Variants in RBFOX1 observed in about 807,000 individuals in gnomAD.
The protein encoded by RBFOX1 is RNA binding protein fox-1 homolog 1.
RBFOX1 carries 8 observed loss-of-function variants against 57.7 expected under a neutral mutation model. The ratio of observed to expected loss-of-function variants is 0.14; its 90% CI spans 0.08 to 0.25. The LOEUF is 0.25. RBFOX1 is among the 10% of genes least tolerant of loss of function. The pLI is 1.00. For missense variants in RBFOX1, 611 were observed against 548.5 expected, an observed-to-expected ratio of 1.11 and a Z score of -1.14; for synonymous variants, 326 against 222.4, an observed-to-expected ratio of 1.47 and a Z score of -4.15.
At chr16:7,061,161 T>G (rs1568596927) in intron 4 of RBFOX1, among the ~76,000 whole-genome samples, 1 of 152,198 alleles carries the variant, frequency 6.6e-6, no homozygotes, top group South Asian at 2.1e-4. Context: ...CCAAAGTAAT[T>G]AGTTCTCTAC....
intron 2 of RBFOX1, among the ~76,000 whole-genome samples, chr16:6,603,954 T>G (rs1211596427): frequency 1.3e-5 from 2 of 152,124 alleles, no homozygotes; most frequent in African/African-American, 4.8e-5. Flanking sequence ...GTTTGTGGCT[T>G]CTTCCCTCTG....
intron 3 of RBFOX1, among the ~76,000 whole-genome samples, chr16:6,892,058 C>G (rs894012319): frequency 5.9e-5 from 9 of 152,138 alleles, no homozygotes; most frequent in Non-Finnish European, 8.8e-5. Context: ...TGTGAAGTTG[C>G]CAGGTGGATG....
intron 1 of RBFOX1, among the ~76,000 whole-genome samples, chr16:5,243,141 G>T (rs537784306): frequency 6.6e-6 from 1 of 152,158 alleles, no homozygotes. Context: ...AATGATCCCA[G>T]GGTGTGTCTG....
chr16:6,892,786 CTCTCTCTCTCT>C (rs1567747860), intron 3 of RBFOX1, among the ~76,000 whole-genome samples: 6 of 72,786 alleles, frequency 8.2e-5, no homozygotes, highest in African/African-American at 2.7e-4. Flanking sequence ...CTCTCTCTCT[CTCTCTCTCTCT>C]CTCTCTCTCT....
At chr16:6,955,058 C>G (rs533857090) in intron 3 of RBFOX1, among the ~76,000 whole-genome samples, 7 of 136,660 alleles carry the variant, frequency 5.1e-5, no homozygotes, top group Admixed American at 4.5e-4. Context: ...CTGGGAAACC[C>G]CATCTCTACA....
At chr16:6,292,584 A>G (rs758548369) in intron 1 of RBFOX1, among the ~76,000 whole-genome samples, 4 of 146,754 alleles carry the variant, frequency 2.7e-5, no homozygotes, top group Non-Finnish European at 4.5e-5. Flanking sequence ...AAGGAAAACA[A>G]CAAAATGGTT....
intron 1 of RBFOX1, among the ~76,000 whole-genome samples, chr16:5,360,189 A>G (rs2065505251): frequency 6.6e-6 from 1 of 152,210 alleles, no homozygotes; most frequent in African/African-American, 2.4e-5. Context: ...CCATCCGTGG[A>G]CACGCAGGCC....
At position 6,915,085 on chromosome 16, in the gene RBFOX1, C is replaced by T. The variant is rs982178034; in HGVS notation, c.-15-136972C>T. On this transcript the variant is annotated intron_variant, in intron 3 of 15. Coordinates refer to ENST00000550418, the MANE Select transcript of RBFOX1 (RefSeq NM_018723.4). ...ATTCCTCAGTTGACTAATGTGTGAA[C>T]TGCACACTGAGAACTGGCCTGCGGT... is the stretch of plus-strand genomic sequence containing the variant. 5.9e-5 allele frequency among the ~76,000 whole-genome samples: 9 copies of T among 152,192 alleles called. No homozygotes were observed. The South Asian group carries it at 6.2e-4, about 10-fold the overall frequency.
chr16:6,004,509 C>A lies in RBFOX1; in HGVS notation c.351+137174C>A, dbSNP rs2060658930. ...GATGCAATACTTGGCATATCAGAGA[C>A]TTTTAGTCTATGGCCACTCAATGAA... On this transcript the variant is annotated intron_variant, in intron 4 of 19. Transcript: ENST00000641259. 4.6e-5 allele frequency among the ~76,000 whole-genome samples: 7 copies of A among 152,158 alleles called. 1 individual carries two copies. In the South Asian group the frequency reaches 1.5e-3, roughly 32 times the overall value.
chr16:6,139,096 G>A (rs1435358665), intron 1 of RBFOX1, among the ~76,000 whole-genome samples: 26 of 152,062 alleles, frequency 1.7e-4, no homozygotes, highest in Admixed American at 1.6e-3. Context: ...GTTATTGATA[G>A]CAGTTCTATA....
chr16:6,579,823 C>T (rs756908755), intron 2 of RBFOX1, among the ~76,000 whole-genome samples: 3 of 152,108 alleles, frequency 2.0e-5, no homozygotes, highest in East Asian at 1.9e-4. Context: ...TGGTCTCAAG[C>T]TGTCCTCCCA....
chr16:6,858,407 C>G (rs1192461643), intron 3 of RBFOX1, among the ~76,000 whole-genome samples: 1 of 152,066 alleles, frequency 6.6e-6, no homozygotes, highest in Non-Finnish European at 1.5e-5. Context: ...GTTGTTCTTT[C>G]TTCTTTAATT....
intron 3 of RBFOX1, among the ~76,000 whole-genome samples, chr16:5,853,725 T>C (rs746489879): frequency 1.3e-5 from 2 of 152,136 alleles, no homozygotes; most frequent in Non-Finnish European, 2.9e-5. Flanking sequence ...GGCAGGGTGG[T>C]ACCCTAGCTA....
chr16:5,410,610 A>G (rs1347573477), intron 1 of RBFOX1, among the ~76,000 whole-genome samples: 1 of 152,208 alleles, frequency 6.6e-6, no homozygotes, highest in African/African-American at 2.4e-5. Context: ...CAAGGTCTTT[A>G]CAGTGACTTA....
intron 4 of RBFOX1, among the ~76,000 whole-genome samples, chr16:7,409,618 T>TTAA (rs1368125347): frequency 6.6e-6 from 1 of 152,236 alleles, no homozygotes; most frequent in East Asian, 1.9e-4. Flanking sequence ...TTGGATGGTC[T>TTAA]TAATAAGGAG....
At chr16:6,743,721 C>G (rs1487461629) in intron 3 of RBFOX1, among the ~76,000 whole-genome samples, 1 of 151,574 alleles carries the variant, frequency 6.6e-6, no homozygotes, top group Non-Finnish European at 1.5e-5. Flanking sequence ...CCAGCCTGCA[C>G]TCCACTGCAC....
intron 4 of RBFOX1, among the ~76,000 whole-genome samples, chr16:7,366,027 C>A (rs1215716291): frequency 6.6e-6 from 1 of 152,150 alleles, no homozygotes; most frequent in East Asian, 1.9e-4. Flanking sequence ...GTCAGAAACT[C>A]CCAGGGAAGG....
chr16:7,134,252 A>G (rs1013139025), intron 4 of RBFOX1, among the ~76,000 whole-genome samples: 1 of 152,146 alleles, frequency 6.6e-6, no homozygotes, highest in Non-Finnish European at 1.5e-5. Flanking sequence ...CTGTGCTAAT[A>G]ATTTGTTGTG....
At chr16:6,333,956 C>A (rs1456853186) in intron 2 of RBFOX1, among the ~76,000 whole-genome samples, 3 of 152,026 alleles carry the variant, frequency 2.0e-5, no homozygotes, top group Non-Finnish European at 1.5e-5. Context: ...GGCCAAAGAA[C>A]AATTAAAGTG....
Sources: gnomAD v4.1 joint callset for allele counts (sites outside exome capture counted in the v4.1 genomes callset) on GRCh38, gnomAD v4.1.1 for gene constraint, MANE v1.5 for transcripts, NCBI Gene and HGNC (gene_info 2026-07-23, HGNC 2026-07-21) for gene names.